The following PRKG1 variants were observed in gnomAD, a reference collection of about 807,000 sequenced individuals.
PRKG1 encodes protein kinase cGMP-dependent 1, also known as cGMP-dependent protein kinase 1.
Under a neutral mutation model 88.1 loss-of-function variants are expected in PRKG1, and 35 were observed. That is an observed-to-expected ratio of 0.40 (90% confidence interval 0.30 to 0.53). The LOEUF (loss-of-function observed/expected upper bound fraction) is 0.53. Among genes scored for constraint, PRKG1 ranks in the 20% least tolerant of loss-of-function variants. The pLI, the probability that PRKG1 is intolerant of heterozygous loss-of-function variation, is 0.59. For missense variants in PRKG1, 540 were observed against 839.8 expected (o/e 0.64, Z 4.41); for synonymous variants, 303 against 292.5 (o/e 1.04, Z -0.37).
At chr10:51,136,051 G>C (rs1005227912) in intron 1 of PRKG1, among the ~76,000 whole-genome samples, 1 of 151,668 alleles carries the variant, frequency 6.6e-6, no homozygotes, top group African/African-American at 2.4e-5. Context: ...ACACCAGCAT[G>C]ACACATGTAT....
rs752412264 is a variant in PRKG1, at chr10:51,578,980, GTTTTTTTTTTTT to G, written c.592+111161_592+111172del. On this transcript the variant is annotated intron_variant, in intron 3 of 17. Coordinates refer to ENST00000373980, the MANE Select transcript of PRKG1 (RefSeq NM_006258.4). ...GAAGAGTTTGGAATAAGTTCTGTTG[GTTTTTTTTTTTT>G]TTTTTTTTTTTTTTTTAGACAGAGT... Among the ~76,000 whole-genome samples the G allele has an allele frequency of 1.2e-4, 9 of 77,832 alleles. No homozygotes were observed. In the East Asian group the frequency reaches 1.3e-3, roughly 11 times the overall value. The allele number at this position is 77,832 out of a possible 152,430, so 51.1% of individuals were successfully genotyped here. A position where few individuals can be genotyped will look rare whatever the true frequency, so the allele number is the denominator to read the frequency against.
chr10:52,250,246 A>C (rs1344305142), intron 9 of PRKG1, among the ~76,000 whole-genome samples: 1 of 152,190 alleles, frequency 6.6e-6, no homozygotes, highest in Admixed American at 6.5e-5. Flanking sequence ...TGTTTGTAAA[A>C]GTTTATTGGA....
chr10:51,945,986 A>G (rs7904271), intron 5 of PRKG1, among the ~76,000 whole-genome samples: 4,162 of 151,008 alleles, frequency 0.028, 236 homozygotes, highest in African/African-American at 0.096. Context: ...GTATTTCCTG[A>G]ATCTGAATGT....
Position 51,807,345 on chromosome 10 carries a change from C to T in PRKG1, c.698+2655C>T, listed in dbSNP as rs187323494. On this transcript the variant is annotated intron_variant, in intron 4 of 17. Transcript: ENST00000373980. ...AGGTCCTATTCTTCGGTACAAGTCA[C>T]ACATCCATGAAGCCATGTAGGGGTG... 2.1e-3 allele frequency among the ~76,000 whole-genome samples: 322 copies of T among 152,300 alleles called. 1 individual carries two copies. Among genetic ancestry groups the T allele is most frequent in the Non-Finnish European group, 3.4e-3 (230 of 68,030 alleles).
chr10:52,055,514 G>C (rs1257079924), intron 6 of PRKG1, among the ~76,000 whole-genome samples: 1 of 152,072 alleles, frequency 6.6e-6, no homozygotes, highest in Non-Finnish European at 1.5e-5. Flanking sequence ...CTAAGAAATT[G>C]AGTGAATTGG....
intron 6 of PRKG1, among the ~76,000 whole-genome samples, chr10:52,057,461 G>C (rs1363096737): frequency 6.6e-6 from 1 of 152,180 alleles, no homozygotes; most frequent in African/African-American, 2.4e-5. Flanking sequence ...TTCTCCAACA[G>C]TGAACTATAA....
intron 4 of PRKG1, among the ~76,000 whole-genome samples, chr10:51,906,766 T>C (rs960885221): frequency 6.6e-6 from 1 of 152,148 alleles, no homozygotes; most frequent in Admixed American, 6.5e-5. Flanking sequence ...GCAAAGGGGA[T>C]TCTGTATAGA....
chr10:51,086,161 GTCC>G (rs1844242340), intron 1 of PRKG1, among the ~76,000 whole-genome samples: 1 of 152,172 alleles, frequency 6.6e-6, no homozygotes, highest in African/African-American at 2.4e-5. Flanking sequence ...CTTTGAAACT[GTCC>G]TCATGGAAAG....
At chr10:51,926,174 G>T (rs562520006) in intron 5 of PRKG1, among the ~76,000 whole-genome samples, 17 of 152,272 alleles carry the variant, frequency 1.1e-4, no homozygotes, top group Non-Finnish European at 1.9e-4. Context: ...AAAATTTAAT[G>T]TGGTCAGAAG....
chr10:51,504,777 G>A (rs1841144730), intron 3 of PRKG1, among the ~76,000 whole-genome samples: 1 of 152,110 alleles, frequency 6.6e-6, no homozygotes, highest in African/African-American at 2.4e-5. Flanking sequence ...CTGTTTGTCT[G>A]TTATTGATGT....
rs762597211 is a variant in PRKG1, at chr10:51,651,817, C to T, written c.593-152768C>T. ...CGGAATTGTCTCGATCTCTTGACCTCGTGATCCACCTGCCTCAGCCTCCCA... is the reference window on the plus strand; with the variant it reads ...CGGAATTGTCTCGATCTCTTGACCTTGTGATCCACCTGCCTCAGCCTCCCA... On this transcript the variant is annotated intron_variant, in intron 3 of 17. Transcript: ENST00000373980. Among the ~76,000 whole-genome samples, 7 of 151,986 alleles carry T rather than the reference C, an allele frequency of 4.6e-5. No homozygotes were observed. In the East Asian group the frequency reaches 1.2e-3, roughly 25 times the overall value.
chr10:50,995,667 C>T (rs1396973331), intron 1 of PRKG1, among the ~76,000 whole-genome samples: 1 of 152,210 alleles, frequency 6.6e-6, no homozygotes, highest in Non-Finnish European at 1.5e-5. Flanking sequence ...TTCCCTTACT[C>T]TTTTTGCATA....
At chr10:52,011,301 C>A (rs1487374234) in intron 5 of PRKG1, among the ~76,000 whole-genome samples, 4 of 152,150 alleles carry the variant, frequency 2.6e-5, no homozygotes, top group African/African-American at 4.8e-5. Flanking sequence ...TATTAATAAA[C>A]CTGTTGTTTT....
chr10:51,306,654 A>G (rs1012500016), intron 2 of PRKG1: 11 of 152,186 alleles, frequency 7.2e-5, no homozygotes, highest in African/African-American at 2.7e-4. Flanking sequence ...CTCTCCATGG[A>G]CAACATCTAG....
intron 2 of PRKG1, among the ~76,000 whole-genome samples, chr10:51,300,462 G>A (rs1840853533): frequency 6.6e-6 from 1 of 152,152 alleles, no homozygotes; most frequent in East Asian, 1.9e-4. Flanking sequence ...TTTTGATTAA[G>A]AAGCTCTTTG....
intron 7 of PRKG1, among the ~76,000 whole-genome samples, chr10:52,129,192 T>C (rs1014324696): frequency 2.6e-5 from 4 of 152,218 alleles, no homozygotes; most frequent in Non-Finnish European, 5.9e-5. Flanking sequence ...TTGGTAGATG[T>C]TCTGTGTGAA....
At chr10:51,112,565 T>C (rs1845003368) in intron 1 of PRKG1, among the ~76,000 whole-genome samples, 1 of 152,152 alleles carries the variant, frequency 6.6e-6, no homozygotes, top group Non-Finnish European at 1.5e-5. Flanking sequence ...GAAATGTTGC[T>C]AGTTAAAATT....
rs563372088 is a variant in PRKG1 at position 51,806,908 on chromosome 10, GTCAATGT to G, written c.698+2223_698+2229del. On this transcript the variant is annotated intron_variant, in intron 4 of 17. Coordinates refer to ENST00000373980, the MANE Select transcript of PRKG1 (RefSeq NM_006258.4). ...CTGCCTGCCCCTCTCCTCCGTCACT[GTCAATGT>G]TCAAATTCTTCTCTGCTTTTTGGAC... Among the ~76,000 whole-genome samples, 210 of 152,166 alleles carry G rather than the reference GTCAATGT, an allele frequency of 1.4e-3. 1 individual carries two copies. Among genetic ancestry groups the G allele is most frequent in the Middle Eastern group, 3.4e-3 (1 of 294 alleles).
chr10:51,887,177 G>C (rs1841591926), intron 4 of PRKG1, among the ~76,000 whole-genome samples: 1 of 152,136 alleles, frequency 6.6e-6, no homozygotes, highest in Admixed American at 6.6e-5. Context: ...TAGAGACAGG[G>C]TTTCGCCATA....
Sources: gnomAD v4.1 joint callset for allele counts (sites outside exome capture counted in the v4.1 genomes callset) on GRCh38, gnomAD v4.1.1 for gene constraint, MANE v1.5 for transcripts, NCBI Gene and HGNC (gene_info 2026-07-23, HGNC 2026-07-21) for gene names.